The following GLMN variants were observed in gnomAD, a reference collection of about 807,000 sequenced individuals.
GLMN encodes the protein glomulin.
A neutral mutation model predicts 87.8 loss-of-function variants in GLMN; 75 were observed. The observed-to-expected ratio is 0.85, with a 90% CI of 0.71 to 1.04. The LOEUF is 1.04. Ranked by LOEUF, GLMN falls within the 50% of genes least tolerant of loss-of-function variation. The pLI is 0.00. For synonymous variants in GLMN, 206 were observed against 221.6 expected (o/e 0.93, Z 0.63); for missense variants, 588 against 658.8 (o/e 0.89, Z 1.18).
intron 4 of GLMN, among the ~76,000 whole-genome samples, chr1:92,291,164 C>T (rs1463526843): frequency 6.6e-6 from 1 of 152,144 alleles, no homozygotes; most frequent in Non-Finnish European, 1.5e-5. Flanking sequence ...CAGGTCTCTC[C>T]CTGGAGATGC....
chr1:92,330,275 T>A, the GLMN span, among the ~76,000 whole-genome samples: 3 of 152,172 alleles, frequency 2.0e-5, no homozygotes, highest in Non-Finnish European at 4.4e-5. Flanking sequence ...TCCTTTCTTG[T>A]AATATCGTTA....
At chr1:92,337,631 A>T in the GLMN span, among the ~76,000 whole-genome samples, 2 of 152,182 alleles carry the variant, frequency 1.3e-5, no homozygotes, top group African/African-American at 4.8e-5. Context: ...AACTTTGAGT[A>T]AACAAAATGT....
At chr1:92,343,119 C>T in the GLMN span, among the ~76,000 whole-genome samples, 1 of 150,868 alleles carries the variant, frequency 6.6e-6, no homozygotes, top group Admixed American at 6.6e-5. Context: ...AGGCCAGAGG[C>T]CCTGGGACAC....
intron 16 of GLMN, among the ~76,000 whole-genome samples, chr1:92,257,730 CT>C (rs1246688146): frequency 3.3e-5 from 5 of 152,068 alleles, no homozygotes; most frequent in Admixed American, 1.3e-4. Context: ...TCCTTACCCC[CT>C]ATACAAAAAT....
intron 8 of GLMN, 84 bp from the exon 9 acceptor site, chr1:92,269,860 G>A: frequency 1.1e-6 from 1 of 903,024 alleles, no homozygotes; most frequent in Non-Finnish European, 1.8e-6. Context: ...GGGTTGAATT[G>A]TATCTCCCCC....
intron 18 of GLMN, 46 bp downstream of exon 18, chr1:92,247,016 C>T (rs2100762462): frequency 9.9e-7 from 1 of 1,015,204 alleles, no homozygotes; most frequent in Non-Finnish European, 1.5e-6. Context: ...TAGCAAGACC[C>T]CGTTTCTAAA....
At position 92,268,146 on chromosome 1, in the gene GLMN, A is replaced by G. The variant is rs1251690975; in HGVS notation, c.978-11T>C. On this transcript the variant is annotated splice_polypyrimidine_tract_variant and intron_variant, in intron 9 of 18. Transcript: ENST00000370360. ...ACAGACTCTTCTGTTCTGAAAAATAATATTAAAATTTATCATGAATTTGTA... is the reference window on the plus strand; with the variant it reads ...ACAGACTCTTCTGTTCTGAAAAATAGTATTAAAATTTATCATGAATTTGTA... 7.6e-6 allele frequency: 10 copies of G among 1,319,558 alleles called. No individual in the cohort carries two copies. Among genetic ancestry groups the G allele is most frequent in the Non-Finnish European group, 1.1e-5 (10 of 916,782 alleles). The allele number at this position is 1,319,558 out of a possible 1,614,324, so 81.7% of individuals were successfully genotyped here.
the GLMN span, among the ~76,000 whole-genome samples, chr1:92,332,516 A>C: frequency 3.3e-5 from 5 of 152,262 alleles, no homozygotes; most frequent in African/African-American, 1.2e-4. Flanking sequence ...AAAATTACAG[A>C]GATAACTGGA....
the GLMN span, among the ~76,000 whole-genome samples, chr1:92,350,627 G>A: frequency 6.6e-6 from 1 of 152,206 alleles, no homozygotes; most frequent in Non-Finnish European, 1.5e-5. Flanking sequence ...TAATAAAAAT[G>A]TATATAAGTA....
At chr1:92,289,217 G>A (rs1649123318) in intron 5 of GLMN, 66 bp from the exon 6 acceptor site, 4 of 916,770 alleles carry the variant, frequency 4.4e-6, no homozygotes, top group South Asian at 3.9e-5. Flanking sequence ...TTCGGCAAAT[G>A]TGGAATTATA....
intron 3 of GLMN, among the ~76,000 whole-genome samples, chr1:92,296,909 G>T (rs910527791): frequency 6.6e-6 from 1 of 152,108 alleles, no homozygotes. Flanking sequence ...TGAATATTTA[G>T]CCTGCTTGAT....
the GLMN span, among the ~76,000 whole-genome samples, chr1:92,318,735 C>T: frequency 6.6e-6 from 1 of 152,118 alleles, no homozygotes; most frequent in Non-Finnish European, 1.5e-5. Context: ...TATTTGTATT[C>T]TGCCTCCTTT....
chr1:92,357,148 G>A, the GLMN span, among the ~76,000 whole-genome samples: 1 of 151,662 alleles, frequency 6.6e-6, no homozygotes, highest in African/African-American at 2.4e-5. Context: ...GCAATGCTAT[G>A]AGTAAGACTG....
At chr1:92,256,066 A>G (rs1331589026) in intron 16 of GLMN, among the ~76,000 whole-genome samples, 1 of 152,206 alleles carries the variant, frequency 6.6e-6, no homozygotes, top group Admixed American at 6.5e-5. Context: ...GATAAAGGGT[A>G]TATCACCACT....
the GLMN span, chr1:92,304,066 G>T: frequency 6.2e-7 from 1 of 1,603,862 alleles, no homozygotes; most frequent in Non-Finnish European, 8.5e-7. Context: ...GTCAGAAGAA[G>T]CTGGGAATTG....
rs1332045431 is a variant in GLMN, at chr1:92,246,604, C to A, written c.1711G>T (p.Val571Phe). ...ATGAGTTCTTCCACTCGAGCTAGAA[C>A]ACTTTCAATCAAATCAAATGTGAAA... Reference protein sequence around the residue: ...ALFTFDLIESVLARVEELIEI... With the variant: ...ALFTFDLIESFLARVEELIEI... The change falls in exon 19 of 19, where the codon GTT becomes TTT. Residue 571 changes from valine to phenylalanine, a missense_variant. Transcript: ENST00000370360. The A allele has an allele frequency of 1.3e-6, 2 of 1,597,776 alleles. No individual in the cohort carries two copies. Among genetic ancestry groups the A allele is most frequent in the Admixed American group, 1.7e-5 (1 of 59,940 alleles).
chr1:92,291,328 A>T, intron 4 of GLMN, 90 bp downstream of exon 4: 1 of 1,213,746 alleles, frequency 8.2e-7, no homozygotes, highest in South Asian at 1.3e-5. Flanking sequence ...TCATGAACCA[A>T]AAGCTTTCTT....
chr1:92,303,781 T>G (rs896102196), upstream of GLMN, among the ~76,000 whole-genome samples: 12 of 152,192 alleles, frequency 7.9e-5, no homozygotes, highest in African/African-American at 2.9e-4. Flanking sequence ...TAACTTTTTT[T>G]TTGAATGCTC....
At chr1:92,357,935 G>A in the GLMN span, among the ~76,000 whole-genome samples, 1 of 152,138 alleles carries the variant, frequency 6.6e-6, no homozygotes, top group South Asian at 2.1e-4. Flanking sequence ...TTGCTCGTTT[G>A]TTTGTTTTAG....
Sources: allele counts gnomAD v4.1 joint callset (sites outside exome capture counted in the v4.1 genomes callset), GRCh38; gene constraint gnomAD v4.1.1; transcripts MANE v1.5; gene names NCBI Gene and HGNC (gene_info 2026-07-23, HGNC 2026-07-21).